The following TASP1 variants were observed in gnomAD, a reference collection of about 807,000 sequenced individuals.
The protein encoded by TASP1 is threonine aspartase 1.
A neutral mutation model predicts 56.6 loss-of-function variants in TASP1; 16 were observed. That is an observed-to-expected ratio of 0.28 (90% CI 0.19 to 0.43). The LOEUF is 0.43. TASP1 is among the 20% of genes least tolerant of loss of function. TASP1 has a pLI of 1.00. For synonymous variants in TASP1, 179 were observed against 184.2 expected (o/e 0.97, Z 0.23); for missense variants, 393 against 511.6 (o/e 0.77, Z 2.24).
the TASP1 span, among the ~76,000 whole-genome samples, chr20:13,225,145 G>T: frequency 6.6e-6 from 1 of 151,920 alleles, no homozygotes; most frequent in Non-Finnish European, 1.5e-5. Flanking sequence ...GAGCCACCGC[G>T]CCCGGCCCAT....
intron 11 of TASP1, among the ~76,000 whole-genome samples, chr20:13,456,178 T>C (rs1031828743): frequency 6.6e-6 from 1 of 152,108 alleles, no homozygotes; most frequent in Non-Finnish European, 1.5e-5. Flanking sequence ...AGAGCAACGG[T>C]CATGGCAACA....
the TASP1 span, among the ~76,000 whole-genome samples, chr20:13,326,945 A>G: frequency 1.3e-3 from 205 of 152,304 alleles, 1 homozygote; most frequent in East Asian, 9.6e-3. Flanking sequence ...TTAACACAGT[A>G]TTGGAAGTTC....
At position 13,630,170 on chromosome 20, in the gene TASP1, A is replaced by G; in HGVS notation, c.-74-18T>C. ...GAATTACCCTAAAGGAAAACAGGCAAAGATGGTATACATTTCTTTCCACCA... is the reference window on the plus strand; with the variant it reads ...GAATTACCCTAAAGGAAAACAGGCAGAGATGGTATACATTTCTTTCCACCA... On this transcript the variant is annotated intron_variant, in intron 1 of 13. Coordinates refer to ENST00000337743, the MANE Select transcript of TASP1 (RefSeq NM_017714.3). The G allele has an allele frequency of 7.3e-7, 1 of 1,363,104 alleles. No homozygotes were observed. Among genetic ancestry groups the G allele is most frequent in the African/African-American group, 1.5e-5 (1 of 67,778 alleles). The allele number at this position is 1,363,104 out of a possible 1,614,324, so 84.4% of individuals were successfully genotyped here.
intron 4 of TASP1, among the ~76,000 whole-genome samples, chr20:13,600,829 A>T (rs1012198695): frequency 2.6e-5 from 4 of 152,340 alleles, no homozygotes; most frequent in East Asian, 1.9e-4. Flanking sequence ...AAACATGTAT[A>T]TCCTTGCTCT....
At chr20:13,518,978 T>C (rs905505204) in intron 10 of TASP1, among the ~76,000 whole-genome samples, 4 of 152,030 alleles carry the variant, frequency 2.6e-5, no homozygotes, top group African/African-American at 7.2e-5. Flanking sequence ...ATATACACCA[T>C]AGAACACTAC....
the TASP1 span, among the ~76,000 whole-genome samples, chr20:13,349,450 C>G: frequency 6.6e-6 from 1 of 152,172 alleles, no homozygotes; most frequent in African/African-American, 2.4e-5. Flanking sequence ...AACCACTCTT[C>G]CCATAAGTCC....
chr20:13,476,152 A>C (rs1191943245), intron 11 of TASP1, among the ~76,000 whole-genome samples: 2 of 152,108 alleles, frequency 1.3e-5, no homozygotes, highest in Non-Finnish European at 2.9e-5. Flanking sequence ...ACAAATAAAT[A>C]AAGTCTTTGG....
the TASP1 span, among the ~76,000 whole-genome samples, chr20:13,159,671 ATAT>A: frequency 1.3e-5 from 2 of 152,178 alleles, no homozygotes; most frequent in Non-Finnish European, 2.9e-5. Flanking sequence ...GATGGATTTT[ATAT>A]CACTGCAGAT....
At chr20:13,564,127 T>C (rs1250847737) in intron 7 of TASP1, among the ~76,000 whole-genome samples, 3 of 152,066 alleles carry the variant, frequency 2.0e-5, no homozygotes, top group Non-Finnish European at 2.9e-5. Flanking sequence ...GGCATTCAAA[T>C]TGGAAAGGAG....
At chr20:13,481,233 T>A (rs1044576181) in intron 11 of TASP1, among the ~76,000 whole-genome samples, 1 of 152,160 alleles carries the variant, frequency 6.6e-6, no homozygotes, top group South Asian at 2.1e-4. Context: ...GTTCCATCCA[T>A]GTTGTTGCAA....
intron 11 of TASP1, among the ~76,000 whole-genome samples, chr20:13,452,348 C>T (rs184411136): frequency 2.0e-5 from 3 of 151,124 alleles, no homozygotes; most frequent in East Asian, 3.9e-4. Context: ...TTAGTGAACT[C>T]GCTGAACATA....
the TASP1 span, among the ~76,000 whole-genome samples, chr20:13,347,899 C>T: frequency 6.6e-6 from 1 of 151,756 alleles, no homozygotes; most frequent in East Asian, 1.9e-4. Flanking sequence ...CTCATAAGTG[C>T]CAGTTAGACT....
rs970718746 is a variant in TASP1 at position 13,577,705 on chromosome 20, C to T, written c.488+3192G>A. On this transcript the variant is annotated intron_variant, in intron 6 of 13. Coordinates refer to ENST00000337743, the MANE Select transcript of TASP1 (RefSeq NM_017714.3). Reference sequence around the variant, plus strand: ...GAACGCTCACCAGAAACCAAACAGGCGGGAACCTAGATCTTGGACCGCTTA... The same window carrying T: ...GAACGCTCACCAGAAACCAAACAGGTGGGAACCTAGATCTTGGACCGCTTA... Among the ~76,000 whole-genome samples, 6 of 152,252 alleles carry T rather than the reference C, an allele frequency of 3.9e-5. 1 individual carries two copies. In the South Asian group the frequency reaches 8.3e-4, roughly 21 times the overall value.
the TASP1 span, chr20:13,167,916 G>T: frequency 1.3e-5 from 2 of 152,132 alleles, no homozygotes; most frequent in African/African-American, 2.4e-5. Flanking sequence ...GACTCTAATA[G>T]CAGGAACCTT....
chr20:13,602,551 A>C (rs1362773329), intron 4 of TASP1, among the ~76,000 whole-genome samples: 1 of 152,200 alleles, frequency 6.6e-6, no homozygotes, highest in Non-Finnish European at 1.5e-5. Flanking sequence ...AGTGGTCCCC[A>C]ACCTTTTTGG....
chr20:13,357,664 A>G, the TASP1 span, among the ~76,000 whole-genome samples: 2 of 152,210 alleles, frequency 1.3e-5, no homozygotes, highest in African/African-American at 4.8e-5. Context: ...CCCAAGAGAA[A>G]TGAAAATATA....
At position 13,483,288 on chromosome 20, in the gene TASP1, A is replaced by C. The variant is rs745776282; in HGVS notation, c.924T>G (p.His308Gln). The change falls in exon 11 of 14, where the codon CAT becomes CAG. Residue 308 changes from histidine to glutamine, a missense_variant. Around this residue, in one of 3 missense-constraint regions of TASP1, gnomAD observed 293 missense variants for 354.2 expected, o/e 0.83. Coordinates refer to ENST00000337743, the MANE Select transcript of TASP1 (RefSeq NM_017714.3). ...VRTILARECSHALQAEDAHQA... is the reference protein window; with the variant it reads ...VRTILARECSQALQAEDAHQA... ...GGTGAGCATCCTCAGCTTGTAAAGCATGTGAACATTCTCTAGCCAGTATGG... is the reference window on the plus strand; with the variant it reads ...GGTGAGCATCCTCAGCTTGTAAAGCCTGTGAACATTCTCTAGCCAGTATGG... The C allele has an allele frequency of 4.2e-5, 67 of 1,605,896 alleles. No individual in the cohort carries two copies. Among genetic ancestry groups the C allele is most frequent in the Non-Finnish European group, 5.4e-5 (63 of 1,175,926 alleles).
Position 13,534,034 on chromosome 20 carries a change from C to T in TASP1, c.783G>A (p.Gly261=), listed in dbSNP as rs759748049. 2 of 1,613,026 alleles carry T rather than the reference C, an allele frequency of 1.2e-6. No homozygotes were observed. Among genetic ancestry groups the T allele is most frequent in the African/African-American group, 2.7e-5 (2 of 74,820 alleles). The change falls in exon 9 of 14, where the codon GGG becomes GGA. Residue 261 remains glycine, a synonymous_variant. Transcript: ENST00000337743. ...CATAATTACTTACCTGCCCAACTCT[C>T]CCCGGATGTTTCAAGGCCAAGCCTC... is the stretch of plus-strand genomic sequence containing the variant. The part of the protein sequence containing the change: ...SSGGLALKHP[G]RVGQAALYGC...
intron 6 of TASP1, among the ~76,000 whole-genome samples, chr20:13,571,537 C>T: frequency 6.6e-6 from 1 of 152,162 alleles, no homozygotes; most frequent in East Asian, 1.9e-4. Flanking sequence ...CTGCTACCAC[C>T]TTGGTCTGAG....
Sources: gnomAD v4.1 joint callset for allele counts (sites outside exome capture counted in the v4.1 genomes callset) on GRCh38, gnomAD v4.1.1 for gene constraint, gnomAD v4.1.1 regional missense constraint, MANE v1.5 for transcripts, NCBI Gene and HGNC (gene_info 2026-07-23, HGNC 2026-07-21) for gene names.